Variants in NTM observed in about 807,000 individuals in gnomAD.
NTM encodes the protein neurotrimin.
NTM carries 13 observed loss-of-function variants against 42.1 expected under a neutral mutation model. That is an observed-to-expected ratio of 0.31 (90% CI 0.20 to 0.49). NTM has a LOEUF of 0.49. Among genes scored for constraint, NTM ranks in the 20% least tolerant of loss-of-function variants. The pLI, the probability that NTM is intolerant of heterozygous loss-of-function variation, is 0.99. For synonymous variants in NTM, 187 were observed against 179.2 expected (o/e 1.04, Z -0.35); for missense variants, 373 against 452.8 (o/e 0.82, Z 1.60).
chr11:131,389,576 C>T (rs1485798205), intron 1 of NTM, among the ~76,000 whole-genome samples: 2 of 152,184 alleles, frequency 1.3e-5, no homozygotes, highest in Admixed American at 1.3e-4. Context: ...CTATTTTTTC[C>T]TCCTCCTGAT....
At chr11:132,184,421 G>C (rs2078079304) in intron 3 of NTM, among the ~76,000 whole-genome samples, 1 of 152,178 alleles carries the variant, frequency 6.6e-6, no homozygotes, top group African/African-American at 2.4e-5. Context: ...ACACCCATGT[G>C]AGTGCTGCTG....
At chr11:131,863,890 A>G (rs953157615) in intron 1 of NTM, among the ~76,000 whole-genome samples, 1 of 152,264 alleles carries the variant, frequency 6.6e-6, no homozygotes, top group Non-Finnish European at 1.5e-5. Flanking sequence ...TTTAAATATC[A>G]GAGCTAGTTT....
At chr11:131,523,845 G>A (rs564287564) in intron 1 of NTM, among the ~76,000 whole-genome samples, 9 of 151,520 alleles carry the variant, frequency 5.9e-5, no homozygotes, top group Non-Finnish European at 1.0e-4. Context: ...AGACATTAAG[G>A]TATATCTGGA....
chr11:132,130,544 C>T (rs923296622), intron 2 of NTM, among the ~76,000 whole-genome samples: 1 of 152,176 alleles, frequency 6.6e-6, no homozygotes, highest in Admixed American at 6.5e-5. Flanking sequence ...TTACACCTTT[C>T]TTTCTCTCAA....
At chr11:131,729,340 A>C (rs969865183) in intron 1 of NTM, among the ~76,000 whole-genome samples, 2 of 152,206 alleles carry the variant, frequency 1.3e-5, no homozygotes, top group African/African-American at 4.8e-5. Flanking sequence ...TACCTGGGTT[A>C]TTGTGGACTG....
Position 131,815,991 on chromosome 11 carries a change from T to C in NTM, c.83-95573T>C, listed in dbSNP as rs528258670. Reference sequence around the variant, plus strand: ...GAGATGGCGGTGAAACTGACCATGGTTTCCATTTCAACCTTTGAAAACCTA... The same window carrying C: ...GAGATGGCGGTGAAACTGACCATGGCTTCCATTTCAACCTTTGAAAACCTA... On this transcript the variant is annotated intron_variant, in intron 1 of 8. Transcript: ENST00000683400. 1.1e-4 allele frequency among the ~76,000 whole-genome samples: 16 copies of C among 152,252 alleles called. No homozygotes were observed. In the East Asian group the frequency reaches 2.9e-3, roughly 28 times the overall value.
chr11:132,285,371 G>A (rs952722080), intron 4 of NTM, among the ~76,000 whole-genome samples: 5 of 152,086 alleles, frequency 3.3e-5, no homozygotes, highest in African/African-American at 1.2e-4. Flanking sequence ...CCTTTTTGTT[G>A]TTGTTAATTG....
chr11:132,025,894 C>A (rs1241919712), intron 2 of NTM, among the ~76,000 whole-genome samples: 1 of 152,192 alleles, frequency 6.6e-6, no homozygotes, highest in Non-Finnish European at 1.5e-5. Flanking sequence ...CAATTGGAAG[C>A]AACCTCCCAG....
chr11:132,297,864 C>T (rs1458430411), intron 4 of NTM, among the ~76,000 whole-genome samples: 1 of 152,162 alleles, frequency 6.6e-6, no homozygotes, highest in Non-Finnish European at 1.5e-5. Flanking sequence ...TTAAGGAAAA[C>T]ACACACCAAT....
intron 2 of NTM, among the ~76,000 whole-genome samples, chr11:131,983,430 C>T (rs180892370): frequency 7.3e-6 from 1 of 136,900 alleles, no homozygotes; most frequent in East Asian, 2.1e-4. Context: ...GGCCAGAGTG[C>T]AGTGGTGTGA....
At chr11:131,538,718 G>A (rs774885517) in intron 1 of NTM, 6 of 152,284 alleles carry the variant, frequency 3.9e-5, no homozygotes, top group Non-Finnish European at 7.3e-5. Context: ...CACACTAGTT[G>A]TTTGTTAAAG....
At chr11:131,567,771 C>T (rs12223112) in intron 1 of NTM, among the ~76,000 whole-genome samples, 1 of 152,210 alleles carries the variant, frequency 6.6e-6, no homozygotes, top group African/African-American at 2.4e-5. Context: ...CACAAAGATG[C>T]TACTTGAATC....
chr11:131,658,045 G>A (rs1009982069), intron 1 of NTM, among the ~76,000 whole-genome samples: 1 of 152,154 alleles, frequency 6.6e-6, no homozygotes, highest in African/African-American at 2.4e-5. Context: ...CAAAGATAAA[G>A]GGGTGGGGTG....
At chr11:131,926,774 A>G (rs1292518327) in intron 2 of NTM, among the ~76,000 whole-genome samples, 1 of 152,154 alleles carries the variant, frequency 6.6e-6, no homozygotes, top group African/African-American at 2.4e-5. Flanking sequence ...ATTTGTGGCA[A>G]CCCATATTTG....
chr11:131,428,524 G>A (rs1021099458), intron 1 of NTM, among the ~76,000 whole-genome samples: 2 of 151,892 alleles, frequency 1.3e-5, no homozygotes, highest in East Asian at 1.9e-4. Flanking sequence ...CTCCTCAATG[G>A]ACCTGGCCAC....
intron 1 of NTM, among the ~76,000 whole-genome samples, chr11:131,409,272 A>C (rs1260063725): frequency 1.3e-5 from 2 of 152,218 alleles, no homozygotes; most frequent in South Asian, 2.1e-4. Context: ...TGTATAATGG[A>C]GATTGAGAAT....
chr11:131,493,214 G>A (rs1342361356), intron 1 of NTM, among the ~76,000 whole-genome samples: 4 of 152,072 alleles, frequency 2.6e-5, no homozygotes, highest in Non-Finnish European at 1.5e-5. Flanking sequence ...ACTCCAGCCT[G>A]GGTGGCAGAG....
chr11:131,504,824 C>T (rs1481123112), intron 1 of NTM, among the ~76,000 whole-genome samples: 1 of 152,144 alleles, frequency 6.6e-6, no homozygotes, highest in East Asian at 1.9e-4. Flanking sequence ...ACTCCTCCTG[C>T]ATGCACATAT....
intron 2 of NTM, among the ~76,000 whole-genome samples, chr11:131,957,946 A>T (rs1162897410): frequency 6.6e-6 from 1 of 152,140 alleles, no homozygotes; most frequent in Non-Finnish European, 1.5e-5. Context: ...TAAAGATCCT[A>T]GAAATGTTGC....
Sources: gnomAD v4.1 joint callset for allele counts (sites outside exome capture counted in the v4.1 genomes callset) on GRCh38, gnomAD v4.1.1 for gene constraint, MANE v1.5 for transcripts, NCBI Gene and HGNC (gene_info 2026-07-23, HGNC 2026-07-21) for gene names.